Variants in MASTL observed in about 807,000 individuals in gnomAD.
MASTL encodes microtubule associated serine/threonine kinase like.
MASTL carries 54 observed loss-of-function variants against 82.5 expected under a neutral mutation model. The ratio of observed to expected loss-of-function variants is 0.65; its 90% CI spans 0.53 to 0.82. MASTL has a LOEUF of 0.82. Ranked by LOEUF, MASTL falls within the 40% of genes least tolerant of loss-of-function variation. The pLI, the probability that MASTL is intolerant of heterozygous loss-of-function variation, is 0.00. For missense variants in MASTL, 950 were observed against 1,047.8 expected, an observed-to-expected ratio of 0.91 and a Z score of 1.29; for synonymous variants, 323 against 368.9, an observed-to-expected ratio of 0.88 and a Z score of 1.43.
chr10:27,172,580 G>A (rs1287525884), intron 8 of MASTL, among the ~76,000 whole-genome samples: 1 of 152,100 alleles, frequency 6.6e-6, no homozygotes, highest in Non-Finnish European at 1.5e-5. Flanking sequence ...CTTGAACCTG[G>A]GAGGCGGAGG....
intron 11 of MASTL, among the ~76,000 whole-genome samples, chr10:27,183,770 TGTA>T (rs760361716): frequency 5.3e-5 from 8 of 152,080 alleles, no homozygotes; most frequent in Non-Finnish European, 1.0e-4. Context: ...CAGGCTGGAA[TGTA>T]GTAGCACAAT....
intron 11 of MASTL, among the ~76,000 whole-genome samples, chr10:27,185,887 C>T (rs1030090881): frequency 4.0e-5 from 6 of 151,680 alleles, no homozygotes; most frequent in Admixed American, 1.3e-4. Context: ...GTCAGGAGTT[C>T]GAGACCAACC....
chr10:27,180,231 T>C (rs1282465314), intron 9 of MASTL, among the ~76,000 whole-genome samples: 1 of 152,292 alleles, frequency 6.6e-6, no homozygotes, highest in African/African-American at 2.4e-5. Context: ...AAATACATTG[T>C]AAGGTTGTAA....
chr10:27,165,533 A>T lies in MASTL; in HGVS notation c.805A>T (p.Lys269Ter). The T allele has an allele frequency of 6.2e-7, 1 of 1,614,014 alleles. No homozygotes were observed. The highest frequency in any genetic ancestry group is 8.5e-7 in the Non-Finnish European group (1 of 1,179,984). The change falls in exon 6 of 12, where the codon AAA becomes TAA. Residue 269 changes from lysine (K) to a stop codon, truncating the protein, a stop_gained. Coordinates refer to ENST00000375940, the MANE Select transcript of MASTL (RefSeq NM_001172303.3). LOFTEE classifies it high-confidence loss of function. ...DTTPYSSKLL[K>*]SCLETVASNP... ...TACGCCTTATTCTAGCAAATTACTA[A>T]AATCATGTGAGTATAAAAGAAAAGG...
In MASTL at chr10:27,167,129, G is replaced by A; in HGVS notation, c.839G>A (p.Gly280Glu). 1.9e-6 allele frequency: 3 copies of A among 1,614,054 alleles called. No homozygotes were observed. Among genetic ancestry groups the A allele is most frequent in the Non-Finnish European group, 2.5e-6 (3 of 1,179,964 alleles). Reference protein sequence around the residue: ...SCLETVASNPGMPVKCLTSNL... With the variant: ...SCLETVASNPEMPVKCLTSNL... ...CTTGAAACAGTTGCCTCCAACCCAG[G>A]AATGCCTGTGAAGTGTCTAACTTCT... Residue 280 changes from glycine to glutamate, a missense_variant, in exon 7 of 12, where the codon GGA becomes GAA. Gly to Glu is a moderately conservative substitution (Grantham distance 98). Transcript: ENST00000375940.
intron 9 of MASTL, among the ~76,000 whole-genome samples, chr10:27,176,907 G>A (rs991889409): frequency 1.1e-4 from 17 of 148,924 alleles, no homozygotes; most frequent in South Asian, 2.1e-4. Context: ...GTGCAGTGGC[G>A]CAGTCTTGGC....
chr10:27,166,806 G>T (rs1477948037), intron 6 of MASTL, among the ~76,000 whole-genome samples: 1 of 151,998 alleles, frequency 6.6e-6, no homozygotes, highest in Non-Finnish European at 1.5e-5. Flanking sequence ...ATTCTTTACT[G>T]AATGAACGTT....
Position 27,181,059 on chromosome 10 carries a change from G to C in MASTL, c.2373G>C (p.Leu791=). The C allele has an allele frequency of 6.3e-7, 1 of 1,575,816 alleles. No homozygotes were observed. Among genetic ancestry groups the C allele is most frequent in the Middle Eastern group, 1.7e-4 (1 of 5,970 alleles). The change falls in exon 10 of 12, where the codon CTG becomes CTC. Residue 791 remains leucine, a synonymous_variant. Coordinates refer to ENST00000375940, the MANE Select transcript of MASTL (RefSeq NM_001172303.3). ...CACAACAAGTATTCCAGAATATTCTGAAAAGAGGTGATTCTTTTTCTCCTA... is the reference window on the plus strand; with the variant it reads ...CACAACAAGTATTCCAGAATATTCTCAAAAGAGGTGATTCTTTTTCTCCTA... ...ETPQQVFQNI[L]KRDIPWPEGE...
intron 11 of MASTL, among the ~76,000 whole-genome samples, chr10:27,182,177 G>T (rs1248060801): frequency 6.6e-6 from 1 of 151,720 alleles, no homozygotes; most frequent in Admixed American, 6.6e-5. Flanking sequence ...CTTCAACCCG[G>T]GAGGCGGACA....
At chr10:27,167,874 GT>G (rs965359032) in intron 7 of MASTL, among the ~76,000 whole-genome samples, 2 of 152,166 alleles carry the variant, frequency 1.3e-5, no homozygotes, top group Non-Finnish European at 2.9e-5. Flanking sequence ...CCCTTAAAGT[GT>G]CTGTTCTGAG....
chr10:27,171,446 T>C (rs893662847), intron 8 of MASTL, among the ~76,000 whole-genome samples: 1 of 100,016 alleles, frequency 1.0e-5, no homozygotes, highest in Non-Finnish European at 2.5e-5. Flanking sequence ...TTATTATTAT[T>C]ATTATTGAGA....
At chr10:27,167,020 C>A in intron 6 of MASTL, 82 bp from the exon 7 acceptor site, 12 of 1,099,702 alleles carry the variant, frequency 1.1e-5, no homozygotes, top group East Asian at 2.4e-5. Flanking sequence ...TGATACTTTG[C>A]TTAATTATAT....
chr10:27,156,202 C>T (rs142591600), intron 1 of MASTL, among the ~76,000 whole-genome samples: 14 of 129,824 alleles, frequency 1.1e-4, no homozygotes, highest in Non-Finnish European at 9.6e-5. Flanking sequence ...GACGGGGTTT[C>T]TTTAGTAGAG....
At chr10:27,157,277 C>T (rs1009857871) in intron 1 of MASTL, among the ~76,000 whole-genome samples, 1 of 152,004 alleles carries the variant, frequency 6.6e-6, no homozygotes, top group African/African-American at 2.4e-5. Context: ...TTTACTTTTC[C>T]TTCTACAGTA....
At chr10:27,183,093 A>C (rs2058420674) in intron 11 of MASTL, among the ~76,000 whole-genome samples, 1 of 152,142 alleles carries the variant, frequency 6.6e-6, no homozygotes, top group South Asian at 2.1e-4. Context: ...ATGTTCTGTA[A>C]TTTCTTATTG....
rs529483325 is a variant in MASTL at position 27,181,306 on chromosome 10, G to A, written c.2381-174G>A. On this transcript the variant is annotated intron_variant, in intron 10 of 11. Transcript: ENST00000375940. ...CTCGGGAGGCTGAAGCAGGAGAATCGCTTGAACCTGGGAGGTGGAGGTTGC... is the reference window on the plus strand; with the variant it reads ...CTCGGGAGGCTGAAGCAGGAGAATCACTTGAACCTGGGAGGTGGAGGTTGC... 4.6e-5 allele frequency among the ~76,000 whole-genome samples: 7 copies of A among 152,180 alleles called. No homozygotes were observed. In the East Asian group the frequency reaches 5.8e-4, roughly 13 times the overall value.
chr10:27,170,640 G>C lies in MASTL; in HGVS notation c.1681G>C (p.Ala561Pro). The part of the protein sequence containing the change: ...SSFLCSDDDR[A>P]SKNISMNSDS... The stretch of plus-strand genomic sequence containing the variant: ...TTTTCTATGTTCTGATGATGATAGA[G>C]CTTCTAAAAATATTTCTATGAACTC... The change falls in exon 8 of 12, where the codon GCT becomes CCT. Residue 561 changes from alanine (A) to proline (P), a missense_variant. Transcript: ENST00000375940. 1.9e-6 allele frequency: 3 copies of C among 1,607,614 alleles called. No homozygotes were observed. Among genetic ancestry groups the C allele is most frequent in the Non-Finnish European group, 2.5e-6 (3 of 1,178,002 alleles).
intron 10 of MASTL, 29 bp from the exon 11 acceptor site, chr10:27,181,451 C>A: frequency 6.8e-7 from 1 of 1,468,960 alleles, no homozygotes; most frequent in Non-Finnish European, 9.5e-7. Context: ...CAGTAATAAA[C>A]AAGTTTATTT....
chr10:27,185,618 C>CAAA (rs34847161), intron 11 of MASTL, among the ~76,000 whole-genome samples: 18 of 98,554 alleles, frequency 1.8e-4, no homozygotes, highest in Non-Finnish European at 2.2e-4. Context: ...AGGTGACAGA[C>CAAA]AAAAAAAAAA....
Sources: gnomAD v4.1 joint callset for allele counts (sites outside exome capture counted in the v4.1 genomes callset) on GRCh38, gnomAD v4.1.1 for gene constraint, MANE v1.5 for transcripts, NCBI Gene and HGNC (gene_info 2026-07-23, HGNC 2026-07-21) for gene names.